AUTS2: variants seen among roughly 807,000 people sequenced by gnomAD.
AUTS2 encodes autism susceptibility gene 2 protein.
A neutral mutation model predicts 112.4 loss-of-function variants in AUTS2; 17 were observed. The ratio of observed to expected loss-of-function variants is 0.15; its 90% CI spans 0.10 to 0.23. The LOEUF (loss-of-function observed/expected upper bound fraction) is 0.23, where lower values mean the gene tolerates loss of function less well. Among genes scored for constraint, AUTS2 ranks in the 10% least tolerant of loss-of-function variants. The probability of loss-of-function intolerance (pLI) is 1.00; values close to 1 mark genes in which losing one functional copy is unlikely to be tolerated. For synonymous variants in AUTS2, 751 were observed against 702.7 expected (o/e 1.07, Z -1.09); for missense variants, 1,510 against 1,701.6 (o/e 0.89, Z 1.98).
chr7:70,058,425 G>A (rs969335923), intron 2 of AUTS2, among the ~76,000 whole-genome samples: 4 of 152,068 alleles, frequency 2.6e-5, no homozygotes, highest in African/African-American at 9.7e-5. Flanking sequence ...GGGAAAGTTA[G>A]GTTTCCATGT....
chr7:70,325,687 T>G (rs954004821), intron 4 of AUTS2, among the ~76,000 whole-genome samples: 1 of 152,134 alleles, frequency 6.6e-6, no homozygotes, highest in African/African-American at 2.4e-5. Context: ...GACTTAGAAA[T>G]CATAGTCCTG....
At chr7:70,096,659 C>T (rs1319925258) in intron 2 of AUTS2, among the ~76,000 whole-genome samples, 2 of 149,856 alleles carry the variant, frequency 1.3e-5, no homozygotes, top group Non-Finnish European at 3.0e-5. Flanking sequence ...GGACTATACT[C>T]ATTTGAGTTT....
chr7:69,644,028 A>G (rs1794913449), intron 1 of AUTS2, among the ~76,000 whole-genome samples: 1 of 152,206 alleles, frequency 6.6e-6, no homozygotes, highest in African/African-American at 2.4e-5. Context: ...CCAGGAAGAG[A>G]GCCCCCACCA....
At chr7:70,232,777 C>T (rs1250075704) in intron 4 of AUTS2, among the ~76,000 whole-genome samples, 1 of 152,128 alleles carries the variant, frequency 6.6e-6, no homozygotes. Flanking sequence ...GGTAGGTATA[C>T]CGAAAGCTAT....
In AUTS2 at chr7:70,286,414, A is replaced by G. The variant is rs528377808; in HGVS notation, c.661-149338A>G. ...GTACCACCATACTCTCTACACTTTT[A>G]AAACTAAAACAGAAAGTATTCTAAA... On this transcript the variant is annotated intron_variant, in intron 4 of 18. Coordinates refer to ENST00000342771, the MANE Select transcript of AUTS2 (RefSeq NM_015570.4). 4.8e-4 allele frequency among the ~76,000 whole-genome samples: 73 copies of G among 152,370 alleles called. 1 individual carries two copies. The highest frequency in any genetic ancestry group is 1.7e-3 in the African/African-American group (69 of 41,590).
intron 6 of AUTS2, among the ~76,000 whole-genome samples, chr7:70,753,894 C>T (rs191214651): frequency 2.6e-5 from 4 of 152,154 alleles, no homozygotes; most frequent in African/African-American, 4.8e-5. Flanking sequence ...TGGTGGCTCA[C>T]GCCTGTAATC....
intron 5 of AUTS2, among the ~76,000 whole-genome samples, chr7:70,514,907 G>A (rs990215967): frequency 6.6e-6 from 1 of 152,112 alleles, no homozygotes; most frequent in Non-Finnish European, 1.5e-5. Context: ...GTGAAATTGA[G>A]CATCTTTTTA....
At chr7:70,734,416 G>A (rs936959858) in intron 6 of AUTS2, among the ~76,000 whole-genome samples, 4 of 151,898 alleles carry the variant, frequency 2.6e-5, no homozygotes, top group South Asian at 2.1e-4. Context: ...CTCCAGCCTG[G>A]GAGACAGAGT....
intron 2 of AUTS2, among the ~76,000 whole-genome samples, chr7:69,972,264 C>A (rs903640823): frequency 6.6e-6 from 1 of 152,110 alleles, no homozygotes; most frequent in African/African-American, 2.4e-5. Context: ...ATGTCTCTTG[C>A]TCTTTAAATG....
intron 2 of AUTS2, among the ~76,000 whole-genome samples, chr7:70,095,666 AAAT>A (rs1295103132): frequency 6.6e-6 from 1 of 152,248 alleles, no homozygotes. Context: ...AGACAAGAAC[AAAT>A]AATAATACAG....
intron 5 of AUTS2, among the ~76,000 whole-genome samples, chr7:70,588,004 CAT>C (rs1802763292): frequency 6.6e-6 from 1 of 152,142 alleles, no homozygotes; most frequent in African/African-American, 2.4e-5. Context: ...AAGAAAAAGG[CAT>C]ATTTTTGTGG....
rs140770082 is a variant in AUTS2 at position 70,370,203 on chromosome 7, T to A, written c.661-65549T>A. On this transcript the variant is annotated intron_variant, in intron 4 of 18. Coordinates refer to ENST00000342771, the MANE Select transcript of AUTS2 (RefSeq NM_015570.4). ...TACCACACAACTCACCCACTTAAGG[T>A]ATACACTTCCATGTTTTTTAATAAA... Among the ~76,000 whole-genome samples the A allele has an allele frequency of 3.1e-3, 477 of 152,260 alleles. 2 individuals are homozygous for A. The highest frequency in any genetic ancestry group is 0.01 in the African/African-American group (431 of 41,542).
intron 5 of AUTS2, among the ~76,000 whole-genome samples, chr7:70,556,882 A>T (rs886513084): frequency 6.6e-6 from 1 of 152,056 alleles, no homozygotes. Context: ...GTTCCTTCAT[A>T]ACTGGGTGTC....
At chr7:70,566,671 T>G (rs537219272) in intron 5 of AUTS2, among the ~76,000 whole-genome samples, 1 of 152,242 alleles carries the variant, frequency 6.6e-6, no homozygotes, top group East Asian at 1.9e-4. Flanking sequence ...TCCAAAATAT[T>G]GAAAAACAGA....
At chr7:70,162,579 G>GTCT (rs1201366664) in intron 4 of AUTS2, among the ~76,000 whole-genome samples, 1 of 149,642 alleles carries the variant, frequency 6.7e-6, no homozygotes. Flanking sequence ...GTCTTTGAGA[G>GTCT]TCTTCTTCCA....
intron 2 of AUTS2, among the ~76,000 whole-genome samples, chr7:70,063,628 C>G (rs2129561221): frequency 6.6e-6 from 1 of 152,268 alleles, no homozygotes; most frequent in Non-Finnish European, 1.5e-5. Context: ...TAAGGAAAGT[C>G]TTAGATGTCT....
chr7:70,623,678 A>G (rs751675918), intron 5 of AUTS2, among the ~76,000 whole-genome samples: 3 of 152,180 alleles, frequency 2.0e-5, no homozygotes, highest in Non-Finnish European at 4.4e-5. Context: ...GCCATTCCTT[A>G]TGGGAAATGT....
At chr7:70,124,827 C>CTAGG (rs1203097406) in intron 3 of AUTS2, among the ~76,000 whole-genome samples, 1 of 152,202 alleles carries the variant, frequency 6.6e-6, no homozygotes, top group African/African-American at 2.4e-5. Flanking sequence ...TCCCAAAGTG[C>CTAGG]TAGGATTGCA....
chr7:69,963,610 AC>A (rs1417372701), intron 2 of AUTS2, among the ~76,000 whole-genome samples: 11 of 152,142 alleles, frequency 7.2e-5, no homozygotes, highest in Admixed American at 5.2e-4. Flanking sequence ...CATTGTGGTT[AC>A]CTTTTATCAA....
Sources: gnomAD v4.1 joint callset for allele counts (sites outside exome capture counted in the v4.1 genomes callset) on GRCh38, gnomAD v4.1.1 for gene constraint, MANE v1.5 for transcripts, NCBI Gene and HGNC (gene_info 2026-07-23, HGNC 2026-07-21) for gene names.